Variants in ANKS1B observed in about 807,000 individuals in gnomAD.
The protein encoded by ANKS1B is ankyrin repeat and sterile alpha motif domain containing 1B, also known as ankyrin repeat and sterile alpha motif domain-containing protein 1B.
A neutral mutation model predicts 148.3 loss-of-function variants in ANKS1B; 36 were observed. The ratio of observed to expected loss-of-function variants is 0.24; its 90% confidence interval spans 0.19 to 0.32. The LOEUF (loss-of-function observed/expected upper bound fraction) is 0.32. ANKS1B is among the 10% of genes least tolerant of loss of function. ANKS1B has a pLI of 1.00. For missense variants in ANKS1B, 1,157 were observed against 1,542.6 expected, an observed-to-expected ratio of 0.75 and a Z score of 4.19; for synonymous variants, 542 against 560.8, an observed-to-expected ratio of 0.97 and a Z score of 0.47.
At chr12:99,432,494 G>A (rs1003166798) in intron 11 of ANKS1B, among the ~76,000 whole-genome samples, 1 of 152,154 alleles carries the variant, frequency 6.6e-6, no homozygotes. Context: ...GGGATGGAAG[G>A]AAGGAAGGTA....
chr12:98,877,023 T>C (rs1052644539), intron 17 of ANKS1B, among the ~76,000 whole-genome samples: 2 of 152,206 alleles, frequency 1.3e-5, no homozygotes, highest in African/African-American at 2.4e-5. Context: ...TATAGCTAAA[T>C]TATGCAATTA....
chr12:99,627,720 T>C (rs2098123586), intron 9 of ANKS1B, among the ~76,000 whole-genome samples: 1 of 152,128 alleles, frequency 6.6e-6, no homozygotes, highest in African/African-American at 2.4e-5. Flanking sequence ...ACAAATGTTA[T>C]CATCTAAAAG....
intron 17 of ANKS1B, among the ~76,000 whole-genome samples, chr12:98,878,159 A>AT (rs57350939): frequency 4.7e-5 from 7 of 149,364 alleles, no homozygotes; most frequent in South Asian, 2.1e-4. Context: ...ACATTTTCTA[A>AT]TTTTTTTTTT....
chr12:99,646,417 G>A (rs144219764), intron 9 of ANKS1B, among the ~76,000 whole-genome samples: 1,926 of 152,160 alleles, frequency 0.013, 33 homozygotes, highest in African/African-American at 0.044. Context: ...CCAGCACTTG[G>A]GGGGCCAAGG....
chr12:99,033,617 T>C (rs1382466206), intron 17 of ANKS1B, among the ~76,000 whole-genome samples: 1 of 151,566 alleles, frequency 6.6e-6, no homozygotes, highest in Non-Finnish European at 1.5e-5. Flanking sequence ...TGAGCCAAGA[T>C]CGCACCACTG....
intron 12 of ANKS1B, among the ~76,000 whole-genome samples, chr12:99,261,089 A>G (rs1412000366): frequency 6.6e-6 from 1 of 152,186 alleles, no homozygotes; most frequent in Non-Finnish European, 1.5e-5. Context: ...GTGGTGTTCT[A>G]GCTCTGCAAA....
At chr12:99,210,375 T>C (rs532595778) in intron 14 of ANKS1B, among the ~76,000 whole-genome samples, 3 of 152,332 alleles carry the variant, frequency 2.0e-5, no homozygotes, top group Non-Finnish European at 4.4e-5. Context: ...TTCTTATTTA[T>C]GCCTACCATT....
chr12:99,125,946 A>C (rs2064212832), intron 15 of ANKS1B, among the ~76,000 whole-genome samples: 1 of 152,182 alleles, frequency 6.6e-6, no homozygotes, highest in South Asian at 2.1e-4. Context: ...AACGCTCAAA[A>C]AATAAAAGAT....
chr12:99,024,320 A>G (rs1322814935), intron 17 of ANKS1B, among the ~76,000 whole-genome samples: 10 of 152,168 alleles, frequency 6.6e-5, no homozygotes, highest in African/African-American at 2.4e-4. Context: ...ATGTTGCTGT[A>G]TATTTATCTA....
At chr12:99,460,631 C>T (rs1487419532) in intron 10 of ANKS1B, among the ~76,000 whole-genome samples, 1 of 151,018 alleles carries the variant, frequency 6.6e-6, no homozygotes, top group African/African-American at 2.4e-5. Context: ...AAATGGCCAA[C>T]AAACATATAA....
At chr12:99,568,125 T>A (rs1211604562) in intron 9 of ANKS1B, among the ~76,000 whole-genome samples, 1 of 152,206 alleles carries the variant, frequency 6.6e-6, no homozygotes, top group Admixed American at 6.5e-5. Flanking sequence ...ATTCTCTAAG[T>A]CAGAACTATG....
chr12:99,539,540 T>C (rs1047616595), intron 9 of ANKS1B, among the ~76,000 whole-genome samples: 1 of 152,034 alleles, frequency 6.6e-6, no homozygotes, highest in African/African-American at 2.4e-5. Flanking sequence ...CTAGAAAATA[T>C]CTATTTAATA....
Position 99,777,666 on chromosome 12 carries a change from C to A in ANKS1B, c.848-2005G>T, listed in dbSNP as rs974231839. On this transcript the variant is annotated intron_variant, in intron 6 of 26. Coordinates refer to ENST00000683438, the MANE Select transcript of ANKS1B (RefSeq NM_001352186.2). ...GTGGCGCGATCTCGGCTCACTGCAACCTCTGCCTTCTGGGTTCACGCCATT... is the reference window on the plus strand; with the variant it reads ...GTGGCGCGATCTCGGCTCACTGCAAACTCTGCCTTCTGGGTTCACGCCATT... 3.9e-5 allele frequency among the ~76,000 whole-genome samples: 6 copies of A among 152,170 alleles called. No homozygotes were observed. In the East Asian group the frequency reaches 9.9e-4, roughly 25 times the overall value.
intron 17 of ANKS1B, among the ~76,000 whole-genome samples, chr12:99,037,943 T>C (rs911109493): frequency 2.6e-5 from 4 of 152,130 alleles, no homozygotes; most frequent in Non-Finnish European, 5.9e-5. Context: ...CGTTGCCTGG[T>C]GTGTGGTGGT....
At chr12:99,121,931 A>G (rs1007071164) in intron 15 of ANKS1B, among the ~76,000 whole-genome samples, 3 of 152,294 alleles carry the variant, frequency 2.0e-5, no homozygotes, top group East Asian at 3.9e-4. Flanking sequence ...CTCAGACTCA[A>G]TGAACAGTTG....
intron 10 of ANKS1B, among the ~76,000 whole-genome samples, chr12:99,454,025 C>G (rs544595623): frequency 6.6e-6 from 1 of 152,268 alleles, no homozygotes; most frequent in Non-Finnish European, 1.5e-5. Context: ...GAGGGAGAAG[C>G]ATTCCAGGCA....
intron 17 of ANKS1B, among the ~76,000 whole-genome samples, chr12:98,980,754 A>C (rs1284601842): frequency 6.6e-6 from 1 of 152,158 alleles, no homozygotes; most frequent in African/African-American, 2.4e-5. Context: ...CCAAGTTTCT[A>C]GATATTTGCC....
At chr12:99,338,400 C>T (rs1030192952) in intron 12 of ANKS1B, among the ~76,000 whole-genome samples, 1 of 152,138 alleles carries the variant, frequency 6.6e-6, no homozygotes, top group Non-Finnish European at 1.5e-5. Context: ...TGCTGCCAGG[C>T]CTGAGTCTCT....
rs533072964 is a variant in ANKS1B, at chr12:99,766,553, A to T, written c.1128+6369T>A. Among the ~76,000 whole-genome samples, 4 of 152,068 alleles carry T rather than the reference A, an allele frequency of 2.6e-5. No individual in the cohort carries two copies. The East Asian group carries it at 5.8e-4, about 22-fold the overall frequency. ...TTAATGGTATTGTTTTCAATATATAAATGCAGGTCAACATGATCCTAGTTC... is the reference window on the plus strand; with the variant it reads ...TTAATGGTATTGTTTTCAATATATATATGCAGGTCAACATGATCCTAGTTC... On this transcript the variant is annotated intron_variant, in intron 8 of 26. Transcript: ENST00000683438.
Sources: gnomAD v4.1 joint callset for allele counts (sites outside exome capture counted in the v4.1 genomes callset) on GRCh38, gnomAD v4.1.1 for gene constraint, MANE v1.5 for transcripts, NCBI Gene and HGNC (gene_info 2026-07-23, HGNC 2026-07-21) for gene names.